The following HAO1 variants were observed in gnomAD, a reference collection of about 807,000 sequenced individuals.
HAO1 encodes hydroxyacid oxidase 1, also known as 2-Hydroxyacid oxidase 1.
A neutral mutation model predicts 39.7 loss-of-function variants in HAO1; 34 were observed. That is an observed-to-expected ratio of 0.86 (90% confidence interval 0.65 to 1.14). The LOEUF is 1.14. Ranked by LOEUF, HAO1 falls within the 50% of genes most tolerant of loss-of-function variation. The probability of loss-of-function intolerance (pLI) is 0.00; values close to 1 mark genes in which losing one functional copy is unlikely to be tolerated. For synonymous variants in HAO1, 172 were observed against 173.2 expected, an observed-to-expected ratio of 0.99 and a Z score of 0.05; for missense variants, 479 against 464.5, an observed-to-expected ratio of 1.03 and a Z score of -0.29.
intron 2 of HAO1, among the ~76,000 whole-genome samples, chr20:7,922,556 G>A (rs2050338479): frequency 6.6e-6 from 1 of 152,088 alleles, no homozygotes; most frequent in East Asian, 1.9e-4. Context: ...GACATATATA[G>A]GGAGAGAATA....
At chr20:7,899,022 G>A (rs923953212) in intron 4 of HAO1, among the ~76,000 whole-genome samples, 7 of 151,618 alleles carry the variant, frequency 4.6e-5, no homozygotes, top group Non-Finnish European at 8.8e-5. Flanking sequence ...CATACGTATA[G>A]CTCTCCAGTT....
At chr20:7,906,995 C>G (rs548720423) in intron 3 of HAO1, among the ~76,000 whole-genome samples, 39 of 152,304 alleles carry the variant, frequency 2.6e-4, no homozygotes, top group African/African-American at 9.1e-4. Context: ...GTAGAAAATT[C>G]TAGAAGAGGT....
intron 2 of HAO1, among the ~76,000 whole-genome samples, chr20:7,926,379 C>T (rs1192952616): frequency 6.6e-6 from 1 of 152,130 alleles, no homozygotes; most frequent in Non-Finnish European, 1.5e-5. Context: ...AAGTCCAGTG[C>T]TTTGCCTGGA....
intron 3 of HAO1, among the ~76,000 whole-genome samples, chr20:7,909,585 A>C (rs1235129118): frequency 6.6e-6 from 1 of 151,342 alleles, no homozygotes; most frequent in African/African-American, 2.4e-5. Flanking sequence ...AGTGGCACTC[A>C]AATATACTTT....
intron 4 of HAO1, among the ~76,000 whole-genome samples, chr20:7,904,953 A>T (rs2122766937): frequency 6.6e-6 from 1 of 152,330 alleles, no homozygotes; most frequent in African/African-American, 2.4e-5. Context: ...TCTGTAAACC[A>T]AACCAATACA....
rs1013998591 is a variant in HAO1, at chr20:7,891,862, C to T, written c.813+3271G>A. On this transcript the variant is annotated intron_variant, in intron 5 of 7. Coordinates refer to ENST00000378789, the MANE Select transcript of HAO1 (RefSeq NM_017545.3). ...TTAATTTTTAGAAAACAATTTGGCC[C>T]GCCCACTAAGTCTACATCTCCATAC... Among the ~76,000 whole-genome samples the T allele has an allele frequency of 5.3e-5, 8 of 152,014 alleles. No homozygotes were observed. In the East Asian group the frequency reaches 5.8e-4, roughly 11 times the overall value.
chr20:7,895,910 A>G (rs369745218), intron 4 of HAO1, among the ~76,000 whole-genome samples: 4 of 151,730 alleles, frequency 2.6e-5, no homozygotes, highest in East Asian at 3.9e-4. Flanking sequence ...AAAAACAAAA[A>G]CAAAATTAAC....
chr20:7,936,315 G>A (rs548836374), intron 1 of HAO1, among the ~76,000 whole-genome samples: 2 of 152,212 alleles, frequency 1.3e-5, no homozygotes, highest in South Asian at 2.1e-4. Flanking sequence ...ATTTTGAAGG[G>A]GGAGAAGCAG....
intron 2 of HAO1, among the ~76,000 whole-genome samples, chr20:7,922,577 T>C (rs559888415): frequency 2.0e-5 from 3 of 152,124 alleles, no homozygotes; most frequent in Admixed American, 6.6e-5. Context: ...TCTAAGGAGA[T>C]AATTTCTGCA....
chr20:7,919,721 T>C (rs1422807686), intron 2 of HAO1, among the ~76,000 whole-genome samples: 1 of 152,170 alleles, frequency 6.6e-6, no homozygotes, highest in African/African-American at 2.4e-5. Context: ...TCTGAAGCCA[T>C]GCAATTGTAA....
At chr20:7,899,204 A>G (rs2050210597) in intron 4 of HAO1, among the ~76,000 whole-genome samples, 1 of 152,066 alleles carries the variant, frequency 6.6e-6, no homozygotes, top group Non-Finnish European at 1.5e-5. Context: ...GTAAGTGGCA[A>G]GTTTCTTAAC....
intron 4 of HAO1, among the ~76,000 whole-genome samples, chr20:7,903,376 A>T (rs80295903): frequency 6.6e-6 from 1 of 151,736 alleles, no homozygotes; most frequent in African/African-American, 2.4e-5. Flanking sequence ...TGGGCTATCT[A>T]CTATGTGTAA....
At chr20:7,917,373 A>C (rs74879685) in intron 2 of HAO1, among the ~76,000 whole-genome samples, 1 of 150,074 alleles carries the variant, frequency 6.7e-6, no homozygotes, top group African/African-American at 2.5e-5. Flanking sequence ...CCTGAAGAGG[A>C]TGTTACCTAA....
chr20:7,908,583 C>T (rs1222517779), intron 3 of HAO1, among the ~76,000 whole-genome samples: 3 of 151,952 alleles, frequency 2.0e-5, no homozygotes, highest in Non-Finnish European at 4.4e-5. Context: ...CATTCCTATC[C>T]CATATAACTC....
chr20:7,931,447 A>G (rs370265069), intron 2 of HAO1, among the ~76,000 whole-genome samples: 3 of 152,188 alleles, frequency 2.0e-5, no homozygotes, highest in African/African-American at 2.4e-5. Context: ...TCTGAATCCC[A>G]TCTCTATCAC....
intron 5 of HAO1, among the ~76,000 whole-genome samples, chr20:7,888,892 C>G (rs1283144815): frequency 6.6e-6 from 1 of 152,108 alleles, no homozygotes; most frequent in Non-Finnish European, 1.5e-5. Context: ...CTCTAGGAGA[C>G]CTGCCACTTC....
intron 2 of HAO1, among the ~76,000 whole-genome samples, chr20:7,931,933 A>G (rs1376278350): frequency 1.3e-5 from 2 of 152,182 alleles, no homozygotes; most frequent in East Asian, 3.9e-4. Flanking sequence ...CAAATATCAA[A>G]TAAAGCAATA....
intron 4 of HAO1, among the ~76,000 whole-genome samples, chr20:7,901,534 A>G (rs1161997051): frequency 6.6e-6 from 1 of 152,246 alleles, no homozygotes; most frequent in Non-Finnish European, 1.5e-5. Flanking sequence ...CTGCTCAGAA[A>G]AAAAAAGATT....
chr20:7,924,312 A>G (rs965813143), intron 2 of HAO1, among the ~76,000 whole-genome samples: 1 of 152,122 alleles, frequency 6.6e-6, no homozygotes, highest in African/African-American at 2.4e-5. Flanking sequence ...AATAAAAATA[A>G]AATGGTATAA....
Sources: allele counts gnomAD v4.1 joint callset (sites outside exome capture counted in the v4.1 genomes callset), GRCh38; gene constraint gnomAD v4.1.1; transcripts MANE v1.5; gene names NCBI Gene and HGNC (gene_info 2026-07-23, HGNC 2026-07-21).